Variants in AP1M1 observed in about 807,000 individuals in gnomAD.
AP1M1 encodes the protein AP-1 complex subunit mu-1.
AP1M1 carries 18 observed loss-of-function variants against 57.1 expected under a neutral mutation model. The observed-to-expected ratio is 0.32, with a 90% CI of 0.22 to 0.47. The LOEUF (loss-of-function observed/expected upper bound fraction) is 0.47. Among genes scored for constraint, AP1M1 ranks in the 20% least tolerant of loss-of-function variants. AP1M1 has a pLI of 1.00. For synonymous variants in AP1M1, 241 were observed against 237.9 expected (o/e 1.01, Z -0.12); for missense variants, 362 against 593.5 (o/e 0.61, Z 4.05).
intron 5 of AP1M1, among the ~76,000 whole-genome samples, chr19:16,214,466 C>T (rs1191808749): frequency 6.6e-6 from 1 of 151,308 alleles, no homozygotes; most frequent in African/African-American, 2.4e-5. Flanking sequence ...ATTCTCCTGC[C>T]TTAGCCTCCC....
chr19:16,228,566 A>C lies in AP1M1; in HGVS notation c.889-204A>C, dbSNP rs2091581308. Among the ~76,000 whole-genome samples, 2 of 152,176 alleles carry C rather than the reference A, an allele frequency of 1.3e-5. No individual in the cohort carries two copies. Among genetic ancestry groups the C allele is most frequent in the Admixed American group, 6.5e-5 (1 of 15,284 alleles). The stretch of plus-strand genomic sequence containing the variant: ...GAGGAGCCTTGGAAGCTGAGCAGAC[A>C]GGAGGATGAAGATGAAACTCCTGAA... On this transcript the variant is annotated intron_variant, in intron 8 of 11. Transcript: ENST00000291439. This position sits in a 1 kb window ranked among gnomAD's most constrained non-coding sequence, Gnocchi z 5.0.
In AP1M1 at chr19:16,228,933, G is replaced by A. The variant is rs1444575007; in HGVS notation, c.1047+5G>A. ...TGGTCCATCAAGTCCTTCCCGGTGA[G>A]CACTCTGTCCAGACATCCACGTGCC... On this transcript the variant is annotated splice_donor_5th_base_variant and intron_variant, in intron 9 of 11. Coordinates refer to ENST00000291439, the MANE Select transcript of AP1M1 (RefSeq NM_032493.4). The surrounding 1 kb of genome is among the most constrained non-coding windows in gnomAD (Gnocchi z 5.0). 1 of 1,613,732 alleles carries A rather than the reference G, an allele frequency of 6.2e-7. No individual in the cohort carries two copies. The highest frequency in any genetic ancestry group is 1.1e-5 in the South Asian group (1 of 91,058).
In AP1M1 at chr19:16,227,882, C is replaced by T. The variant is rs2091578027; in HGVS notation, c.816+192C>T. Among the ~76,000 whole-genome samples, 1 of 152,158 alleles carries T rather than the reference C, an allele frequency of 6.6e-6. No individual in the cohort carries two copies. The highest frequency in any genetic ancestry group is 2.1e-4 in the South Asian group (1 of 4,832). Reference sequence around the variant, plus strand: ...GGGCACAGACCCCTTTGGCCACCACCACCCCTTTCCCAGGCAGCCCCCAGA... The same window carrying T: ...GGGCACAGACCCCTTTGGCCACCACTACCCCTTTCCCAGGCAGCCCCCAGA... On this transcript the variant is annotated intron_variant, in intron 7 of 11. Coordinates refer to ENST00000291439, the MANE Select transcript of AP1M1 (RefSeq NM_032493.4). The surrounding 1 kb of genome is among the most constrained non-coding windows in gnomAD (Gnocchi z 6.2).
In AP1M1 at chr19:16,244,473, T is replaced by G. The variant is rs905403906; in HGVS notation, c.*10038T>G. On this transcript the variant is annotated 3_prime_UTR_variant, in exon 12 of 12. Coordinates refer to ENST00000291439, the MANE Select transcript of AP1M1 (RefSeq NM_032493.4). ...AGATTGCATAAACAGTTTCTGGAGT[T>G]TTTTTAAGTGATAGAATTATACAAC... 6 of 152,118 alleles carry G rather than the reference T, an allele frequency of 3.9e-5. No homozygotes were observed. The highest frequency in any genetic ancestry group is 1.2e-4 in the African/African-American group (5 of 41,424). 9.4% of individuals were successfully genotyped at this position (152,118 alleles called of 1,614,324 possible).
intron 1 of AP1M1, among the ~76,000 whole-genome samples, chr19:16,202,486 C>T (rs1415293852): frequency 6.6e-6 from 1 of 152,200 alleles, no homozygotes; most frequent in African/African-American, 2.4e-5. Context: ...CCATCGCCCC[C>T]GAAAGCTTCT....
rs746956688 is a variant in AP1M1 at position 16,207,983 on chromosome 19, G to GCCTCCCATTCCTC, written c.268-29_268-17dup. ...TCCTCATCCGTCCGCTCAATGATCT[G>GCCTCCCATTCCTC]CCTCCCATTCCTCCCTCCCTCCCCA... On this transcript the variant is annotated intron_variant, in intron 3 of 11. Coordinates refer to ENST00000291439, the MANE Select transcript of AP1M1 (RefSeq NM_032493.4). This position sits in a 1 kb window ranked among gnomAD's most constrained non-coding sequence, Gnocchi z 4.2. 2.5e-6 allele frequency: 4 copies of GCCTCCCATTCCTC among 1,594,062 alleles called. No individual in the cohort carries two copies. Among genetic ancestry groups the GCCTCCCATTCCTC allele is most frequent in the Admixed American group, 1.7e-5 (1 of 57,284 alleles).
chr19:16,235,536 T>TGGGCCACACAGAGG lies in AP1M1; in HGVS notation c.*1102_*1115dup, dbSNP rs2091621307. 1 of 152,218 alleles carries TGGGCCACACAGAGG rather than the reference T, an allele frequency of 6.6e-6. No homozygotes were observed. Among genetic ancestry groups the TGGGCCACACAGAGG allele is most frequent in the African/African-American group, 2.4e-5 (1 of 41,436 alleles). 9.4% of individuals were successfully genotyped at this position (152,218 alleles called of 1,614,324 possible). A position where few individuals can be genotyped will look rare whatever the true frequency, so the allele number is the denominator to read the frequency against. ...GTGCTGGACCATGGGCCACCACTCC[T>TGGGCCACACAGAGG]GGGCCACACAGAGGAGGCCACAGAG... On this transcript the variant is annotated 3_prime_UTR_variant, in exon 12 of 12. Transcript: ENST00000291439.
At chr19:16,215,212 A>C (rs1484755378) in intron 5 of AP1M1, among the ~76,000 whole-genome samples, 1 of 2,106 alleles carries the variant, frequency 4.7e-4, no homozygotes, top group Non-Finnish European at 1.5e-3. Flanking sequence ...GGGGGGGGGG[A>C]GAGGGGGGAG....
rs947249216 is a variant in AP1M1, at chr19:16,207,922, T to C, written c.268-97T>C. ...TGGGAAGTAGGCTGTTGGTAGGACT[T>C]AGCGGGCAAATGAATGTGTGCAAGC... On this transcript the variant is annotated intron_variant, in intron 3 of 11. Transcript: ENST00000291439. This position sits in a 1 kb window ranked among gnomAD's most constrained non-coding sequence, Gnocchi z 4.2. 1 of 1,463,068 alleles carries C rather than the reference T, an allele frequency of 6.8e-7. No individual in the cohort carries two copies. The highest frequency in any genetic ancestry group is 1.4e-5 in the African/African-American group (1 of 71,000). 90.6% of individuals were successfully genotyped at this position (1,463,068 alleles called of 1,614,324 possible). A position where few individuals can be genotyped will look rare whatever the true frequency, so the allele number is the denominator to read the frequency against.
chr19:16,206,249 G>T lies in AP1M1; in HGVS notation c.200-92G>T. 1 of 1,318,374 alleles carries T rather than the reference G, an allele frequency of 7.6e-7. No homozygotes were observed. Among genetic ancestry groups the T allele is most frequent in the Non-Finnish European group, 1.1e-6 (1 of 919,784 alleles). 81.7% of individuals were successfully genotyped at this position (1,318,374 alleles called of 1,614,324 possible). A position where few individuals can be genotyped will look rare whatever the true frequency, so the allele number is the denominator to read the frequency against. ...AGTGGGGATAGGGAAGGCTCTGAGGGTTGTGAGGGTTAGGGGGTCCCTCCA... is the reference window on the plus strand; with the variant it reads ...AGTGGGGATAGGGAAGGCTCTGAGGTTTGTGAGGGTTAGGGGGTCCCTCCA... On this transcript the variant is annotated intron_variant, in intron 2 of 11. Coordinates refer to ENST00000291439, the MANE Select transcript of AP1M1 (RefSeq NM_032493.4). This position sits in a 1 kb window ranked among gnomAD's most constrained non-coding sequence, Gnocchi z 4.3.
In AP1M1 at chr19:16,228,633, G is replaced by T. The variant is rs558586216; in HGVS notation, c.889-137G>T. The T allele has an allele frequency of 5.9e-5, 50 of 847,252 alleles. No homozygotes were observed. The South Asian group carries it at 7.8e-4, about 13-fold the overall frequency. The allele number at this position is 847,252 out of a possible 1,614,324, so 52.5% of individuals were successfully genotyped here. A position where few individuals can be genotyped will look rare whatever the true frequency, so the allele number is the denominator to read the frequency against. On this transcript the variant is annotated intron_variant, in intron 8 of 11. Coordinates refer to ENST00000291439, the MANE Select transcript of AP1M1 (RefSeq NM_032493.4). This position sits in a 1 kb window ranked among gnomAD's most constrained non-coding sequence, Gnocchi z 5.0. Reference sequence around the variant, plus strand: ...GTCTCGAGGGCAGGAGAAGGGGTGGGTAGTGCCTGGAGAAGTGGGGCCAGG... The same window carrying T: ...GTCTCGAGGGCAGGAGAAGGGGTGGTTAGTGCCTGGAGAAGTGGGGCCAGG...
At chr19:16,204,096 G>A (rs2091460112) in intron 2 of AP1M1, among the ~76,000 whole-genome samples, 2 of 152,164 alleles carry the variant, frequency 1.3e-5, no homozygotes, top group South Asian at 4.1e-4. Flanking sequence ...TTAGATGTGT[G>A]TCTTCTGGAG....
rs771462229 is a variant in AP1M1, at chr19:16,234,478, G to T, written c.*43G>T. The stretch of plus-strand genomic sequence containing the variant: ...CACCCCGGCCTCGGGGCTCCTGGTG[G>T]CAGCACCAGGGGACACACCTGCCAA... On this transcript the variant is annotated 3_prime_UTR_variant, in exon 12 of 12. Coordinates refer to ENST00000291439, the MANE Select transcript of AP1M1 (RefSeq NM_032493.4). 4 of 1,611,328 alleles carry T rather than the reference G, an allele frequency of 2.5e-6. No individual in the cohort carries two copies. Among genetic ancestry groups the T allele is most frequent in the Non-Finnish European group, 3.4e-6 (4 of 1,179,104 alleles).
intron 5 of AP1M1, among the ~76,000 whole-genome samples, chr19:16,222,109 G>C (rs2091547079): frequency 6.6e-6 from 1 of 151,886 alleles, no homozygotes; most frequent in South Asian, 2.1e-4. Flanking sequence ...CTCTCTGTTA[G>C]ATTGGATAAT....
Position 16,203,387 on chromosome 19 carries a change from ACCCCC to A in AP1M1, c.43-71_43-67del. On this transcript the variant is annotated intron_variant, in intron 1 of 11. Coordinates refer to ENST00000291439, the MANE Select transcript of AP1M1 (RefSeq NM_032493.4). The surrounding 1 kb of genome is among the most constrained non-coding windows in gnomAD (Gnocchi z 4.6). ...AGAGCGAAGCAGGGTGGTGCATCTC[ACCCCC>A]TGCCCCAAGCCCCCAGATTGTAGAA... 1 of 1,527,530 alleles carries A rather than the reference ACCCCC, an allele frequency of 6.5e-7. No homozygotes were observed. Among genetic ancestry groups the A allele is most frequent in the South Asian group, 1.1e-5 (1 of 88,096 alleles). 94.6% of individuals were successfully genotyped at this position (1,527,530 alleles called of 1,614,324 possible).
rs2091637151 is a variant in AP1M1, at chr19:16,239,332, G to A, written c.*4897G>A. On this transcript the variant is annotated 3_prime_UTR_variant, in exon 12 of 12. Coordinates refer to ENST00000291439, the MANE Select transcript of AP1M1 (RefSeq NM_032493.4). ...TGCACCTGTAGTCCCAACTACTTGG[G>A]AGGCTGAGGCTAGAGGATTACTTGA... The A allele has an allele frequency of 1.4e-5, 2 of 145,072 alleles. No homozygotes were observed. Among genetic ancestry groups the A allele is most frequent in the African/African-American group, 5.2e-5 (2 of 38,652 alleles). The allele number at this position is 145,072 out of a possible 1,614,324, so 9.0% of individuals were successfully genotyped here.
In AP1M1 at chr19:16,242,292, A is replaced by ACTC. The variant is rs2091648109; in HGVS notation, c.*7857_*7858insCTC. 1 of 141,392 alleles carries ACTC rather than the reference A, an allele frequency of 7.1e-6. No individual in the cohort carries two copies. Among genetic ancestry groups the ACTC allele is most frequent in the South Asian group, 2.4e-4 (1 of 4,246 alleles). 8.8% of individuals were successfully genotyped at this position (141,392 alleles called of 1,614,324 possible). ...ACCACTGCACTCCAGGTTGGGTGAC[A>ACTC]GAGTGACACCCTGCCTCAAAAAAAA... On this transcript the variant is annotated 3_prime_UTR_variant, in exon 12 of 12. Transcript: ENST00000291439.
Position 16,207,435 on chromosome 19 carries a change from G to A in AP1M1, c.268-584G>A, listed in dbSNP as rs555284919. Among the ~76,000 whole-genome samples the A allele has an allele frequency of 5.5e-4, 84 of 152,138 alleles. No individual in the cohort carries two copies. The highest frequency in any genetic ancestry group is 1.8e-3 in the African/African-American group (73 of 41,504). On this transcript the variant is annotated intron_variant, in intron 3 of 11. Transcript: ENST00000291439. This position sits in a 1 kb window ranked among gnomAD's most constrained non-coding sequence, Gnocchi z 4.2. Reference sequence around the variant, plus strand: ...GGCCGGGTGATCACAGTCCTGAAGCGCGCAGGGGTCAGCAGATCAGAGAAT... The same window carrying A: ...GGCCGGGTGATCACAGTCCTGAAGCACGCAGGGGTCAGCAGATCAGAGAAT...
chr19:16,222,513 T>C (rs1204065481), intron 5 of AP1M1, among the ~76,000 whole-genome samples: 1 of 152,182 alleles, frequency 6.6e-6, no homozygotes, highest in Non-Finnish European at 1.5e-5. Context: ...GTACCTGGCC[T>C]CCATTCTGCT....
Sources: allele counts gnomAD v4.1 joint callset (sites outside exome capture counted in the v4.1 genomes callset), GRCh38; gene constraint gnomAD v4.1.1; non-coding constraint Gnocchi (gnomAD v3.1); transcripts MANE v1.5; gene names NCBI Gene and HGNC (gene_info 2026-07-23, HGNC 2026-07-21).